XPC: variants seen among roughly 807,000 people sequenced by gnomAD.
XPC encodes XPC complex subunit, DNA damage recognition and repair factor, also known as DNA repair protein complementing XP-C cells.
Under a neutral mutation model 95.8 loss-of-function variants are expected in XPC, and 76 were observed. The ratio of observed to expected loss-of-function variants is 0.79; its 90% CI spans 0.66 to 0.96. The LOEUF (loss-of-function observed/expected upper bound fraction) is 0.96, where lower values mean the gene tolerates loss of function less well. XPC is among the 40% of genes least tolerant of loss of function. The pLI, the probability that XPC is intolerant of heterozygous loss-of-function variation, is 0.00. For synonymous variants in XPC, 442 were observed against 442.1 expected (o/e 1.00, Z 0.00); for missense variants, 1,146 against 1,179.8 (o/e 0.97, Z 0.42).
chr3:14,147,780 C>T (rs971133745), intron 14 of XPC, 128 bp downstream of exon 14: 2 of 812,674 alleles, frequency 2.5e-6, no homozygotes, highest in Admixed American at 2.3e-5. Context: ...CCTCGGGTGC[C>T]TGCCATGATG....
rs772981828 is a variant in XPC at position 14,172,883 on chromosome 3, C to T, written c.283G>A (p.Asp95Asn). 1.9e-5 allele frequency: 30 copies of T among 1,613,830 alleles called. No individual in the cohort carries two copies. Among genetic ancestry groups the T allele is most frequent in the African/African-American group, 1.6e-4 (12 of 75,048 alleles). ...LKVIKDEALSDGDDLRDFPSD... is the reference protein window; with the variant it reads ...LKVIKDEALSNGDDLRDFPSD... ...ACATCTCACCTGAGGTCATCCCCAT[C>T]GCTGAGGGCTTCATCCTTTATAACC... The change falls in exon 2 of 16, where the codon GAT becomes AAT. Residue 95 changes from aspartate to asparagine, a missense_variant. By Grantham distance (23) the Asp-to-Asn change is conservative. Coordinates refer to ENST00000285021, the MANE Select transcript of XPC (RefSeq NM_004628.5).
At chr3:14,177,689 G>A (rs1305882496) in intron 1 of XPC, among the ~76,000 whole-genome samples, 2 of 128,882 alleles carry the variant, frequency 1.6e-5, no homozygotes, top group African/African-American at 6.0e-5. Flanking sequence ...GGAGTTTAAA[G>A]CAGGAGCAGG....
Position 14,159,745 on chromosome 3 carries a change from G to A in XPC, c.986C>T (p.Ala329Val). Residue 329 changes from alanine to valine, a missense_variant, in exon 8 of 16, where the codon GCA (alanine) becomes GTA (valine). By Grantham distance (64) the Ala-to-Val change is moderately conservative. Coordinates refer to ENST00000285021, the MANE Select transcript of XPC (RefSeq NM_004628.5). ...TGGCAGCCCTGCGCACCTCACCTTT[G>A]CTGTTGCTGACTTCAGAGGAATTGG... ...LQPIPLKSAT[A>V]KGKKPSKERL... The A allele has an allele frequency of 6.4e-7, 1 of 1,561,258 alleles. No individual in the cohort carries two copies. The highest frequency in any genetic ancestry group is 8.7e-7 in the Non-Finnish European group (1 of 1,152,214).
chr3:14,169,374 C>T (rs1477079248), intron 3 of XPC, among the ~76,000 whole-genome samples: 1 of 152,218 alleles, frequency 6.6e-6, no homozygotes, highest in Admixed American at 6.5e-5. Context: ...ACAAGTTTAA[C>T]ACCACCATGA....
At position 14,156,505 on chromosome 3, in the gene XPC, CCAGA is replaced by C. The variant is rs766836117; in HGVS notation, c.1873-14_1873-11del. ...TGTGTTTAGCCTGAAACTGCAAAGG[CCAGA>C]CAGACAAGGTTGAGCATGTTATTTA... is the stretch of plus-strand genomic sequence containing the variant. On this transcript the variant is annotated splice_polypyrimidine_tract_variant and intron_variant, in intron 9 of 15. Coordinates refer to ENST00000285021, the MANE Select transcript of XPC (RefSeq NM_004628.5). 2 of 1,613,638 alleles carry C rather than the reference CCAGA, an allele frequency of 1.2e-6. No homozygotes were observed. The highest frequency in any genetic ancestry group is 1.7e-6 in the Non-Finnish European group (2 of 1,179,734).
At chr3:14,176,493 C>T (rs2125050303) in intron 1 of XPC, among the ~76,000 whole-genome samples, 1 of 152,326 alleles carries the variant, frequency 6.6e-6, no homozygotes, top group African/African-American at 2.4e-5. Context: ...CAACACTACT[C>T]TATGATCCTC....
chr3:14,154,426 A>G (rs200419310), intron 10 of XPC, among the ~76,000 whole-genome samples: 13 of 152,368 alleles, frequency 8.5e-5, no homozygotes, highest in Middle Eastern at 3.4e-3. Flanking sequence ...TGAAGGCACA[A>G]ACAAAATGTG....
At chr3:14,160,310 G>T (rs1454768667) in intron 7 of XPC, among the ~76,000 whole-genome samples, 2 of 152,174 alleles carry the variant, frequency 1.3e-5, no homozygotes, top group African/African-American at 2.4e-5. Context: ...AGATCACCAG[G>T]TCTGTTCCCT....
rs567932695 is a variant in XPC, at chr3:14,148,890, C to T, written c.2174G>A (p.Arg725Gln). 5.1e-5 allele frequency: 82 copies of T among 1,614,000 alleles called. No homozygotes were observed. Among genetic ancestry groups the T allele is most frequent in the Non-Finnish European group, 6.2e-5 (73 of 1,179,886 alleles). Reference sequence around the variant, plus strand: ...AAACAGGCCCAGGTCATTTTCTTCCCGCAGCTGGGGCTCAGCAAGTCGGGC... The same window carrying T: ...AAACAGGCCCAGGTCATTTTCTTCCTGCAGCTGGGGCTCAGCAAGTCGGGC... ...RKARLAEPQL[R>Q]EENDLGLFGY... Residue 725 changes from arginine to glutamine, a missense_variant, in exon 12 of 16, where the codon CGG (arginine) becomes CAG (glutamine). Coordinates refer to ENST00000285021, the MANE Select transcript of XPC (RefSeq NM_004628.5).
chr3:14,159,906 G>A (rs1333932955), intron 7 of XPC, 76 bp from the exon 8 acceptor site: 3 of 1,410,158 alleles, frequency 2.1e-6, no homozygotes, highest in East Asian at 2.5e-5. Context: ...TGTTTGTTAT[G>A]GTGCTTGTTC....
chr3:14,163,907 G>A (rs146752257), intron 7 of XPC, among the ~76,000 whole-genome samples: 44 of 152,318 alleles, frequency 2.9e-4, no homozygotes, highest in African/African-American at 9.1e-4. Context: ...AAATCAGCCA[G>A]GCATGGTGGT....
At chr3:14,149,018 T>C (rs953497975) in intron 11 of XPC, 70 bp from the exon 12 acceptor site, 12 of 1,592,444 alleles carry the variant, frequency 7.5e-6, no homozygotes, top group Middle Eastern at 1.7e-4. Flanking sequence ...CCAGGCACCA[T>C]GCTCAGTGCC....
At chr3:14,176,993 G>A (rs1215274076) in intron 1 of XPC, among the ~76,000 whole-genome samples, 3 of 151,894 alleles carry the variant, frequency 2.0e-5, no homozygotes, top group South Asian at 2.1e-4. Context: ...CCAGCTACTC[G>A]GGAGGCTGAG....
At chr3:14,155,277 T>C (rs897810888) in intron 10 of XPC, among the ~76,000 whole-genome samples, 1 of 152,240 alleles carries the variant, frequency 6.6e-6, no homozygotes, top group African/African-American at 2.4e-5. Flanking sequence ...CGCTTCCTTT[T>C]TCTCTTTTCT....
chr3:14,163,125 A>G (rs1696228529), intron 7 of XPC, among the ~76,000 whole-genome samples: 1 of 152,246 alleles, frequency 6.6e-6, no homozygotes, highest in South Asian at 2.1e-4. Context: ...GTGTTGGTAA[A>G]GATTTGGAAT....
rs552023559 is a variant in XPC at position 14,154,636 on chromosome 3, G to A, written c.2033+1699C>T. ...AAAGGAGAATGGTGGGTGCAGGGCT[G>A]GAGAAGGGGAATTCGGAGTTTTTGA... On this transcript the variant is annotated intron_variant, in intron 10 of 15. Transcript: ENST00000285021. Among the ~76,000 whole-genome samples the A allele has an allele frequency of 1.2e-4, 18 of 152,298 alleles. 1 individual carries two copies. The East Asian group carries it at 3.5e-3, about 29-fold the overall frequency.
intron 9 of XPC, 93 bp from the exon 10 acceptor site, chr3:14,156,588 A>G (rs1695920078): frequency 5.7e-6 from 9 of 1,568,304 alleles, no homozygotes; most frequent in Non-Finnish European, 7.8e-6. Flanking sequence ...TGTTCTGACA[A>G]CAGATGGTGG....
chr3:14,147,144 G>A (rs557237691), intron 15 of XPC, 146 bp downstream of exon 15: 16 of 811,880 alleles, frequency 2.0e-5, no homozygotes, highest in African/African-American at 7.0e-5. Flanking sequence ...AAAAACAAGC[G>A]GCCTTAGAGA....
Position 14,156,382 on chromosome 3 carries a change from C to G in XPC, c.1986G>C (p.Glu662Asp). The G allele has an allele frequency of 6.2e-7, 1 of 1,613,982 alleles. No homozygotes were observed. The highest frequency in any genetic ancestry group is 8.5e-7 in the Non-Finnish European group (1 of 1,179,874). ...HLLKYEAIYPETAAILGYCRG... is the reference protein window; with the variant it reads ...HLLKYEAIYPDTAAILGYCRG... ...GACAATACCCAAGGATGGCAGCTGT[C>G]TCGGGATAGATGGCCTCATATTTCA... Residue 662 changes from glutamate (E) to aspartate (D), a missense_variant, in exon 10 of 16, where the codon GAG becomes GAC. Coordinates refer to ENST00000285021, the MANE Select transcript of XPC (RefSeq NM_004628.5).
Sources: gnomAD v4.1 joint callset for allele counts (sites outside exome capture counted in the v4.1 genomes callset) on GRCh38, gnomAD v4.1.1 for gene constraint, MANE v1.5 for transcripts, NCBI Gene and HGNC (gene_info 2026-07-23, HGNC 2026-07-21) for gene names.